MCPH1: variants seen among roughly 807,000 people sequenced by gnomAD.
The protein encoded by MCPH1 is microcephalin.
Under a neutral mutation model 84.5 loss-of-function variants are expected in MCPH1, and 104 were observed. The ratio of observed to expected loss-of-function variants is 1.23; its 90% CI spans 1.05 to 1.45. The LOEUF is 1.45. Ranked by LOEUF, MCPH1 falls within the 40% of genes most tolerant of loss-of-function variation. The pLI, the probability that MCPH1 is intolerant of heterozygous loss-of-function variation, is 0.00. For missense variants in MCPH1, 1,498 were observed against 1,005.7 expected (o/e 1.49, Z -6.62); for synonymous variants, 514 against 366.8 (o/e 1.40, Z -4.58).
intron 12 of MCPH1, among the ~76,000 whole-genome samples, chr8:6,589,123 C>A (rs1297864755): frequency 1.3e-5 from 2 of 152,208 alleles, no homozygotes; most frequent in Admixed American, 6.5e-5. Context: ...GGAACATCCT[C>A]CTGTGGGCTC....
At chr8:6,410,972 C>G (rs185336585) in intron 2 of MCPH1, among the ~76,000 whole-genome samples, 1 of 152,238 alleles carries the variant, frequency 6.6e-6, no homozygotes, top group East Asian at 1.9e-4. Context: ...CACCTGTAGT[C>G]TCAGTGATTC....
intron 12 of MCPH1, among the ~76,000 whole-genome samples, chr8:6,547,342 T>C (rs2515490): frequency 0.99 from 151,273 of 152,142 alleles, 75,211 homozygotes; most frequent in Middle Eastern, 1. Context: ...GTTCTGGAGG[T>C]CCGCCCCCTC....
intron 9 of MCPH1, among the ~76,000 whole-genome samples, chr8:6,465,457 C>G (rs533432825): frequency 1.4e-3 from 208 of 152,314 alleles, no homozygotes; most frequent in Non-Finnish European, 2.5e-3. Context: ...TTCTCTTCCT[C>G]TTACCAGTAA....
chr8:6,526,257 T>TAAAAAAAAAAAA (rs35519559), intron 12 of MCPH1, among the ~76,000 whole-genome samples: 4 of 77,464 alleles, frequency 5.2e-5, no homozygotes, highest in African/African-American at 1.7e-4. Flanking sequence ...TTGCCTCTAC[T>TAAAAAAAAAAAA]AAAAAAAAAA....
intron 12 of MCPH1, among the ~76,000 whole-genome samples, chr8:6,557,222 G>A (rs1291818741): frequency 6.6e-6 from 1 of 152,026 alleles, no homozygotes; most frequent in Non-Finnish European, 1.5e-5. Flanking sequence ...TTTACCGCTG[G>A]GCAATCCATA....
In MCPH1 at chr8:6,445,081, A is replaced by G. The variant is rs1262827232; in HGVS notation, c.1359A>G (p.Thr453=). ...GAAGTCTTTCTAAGAAGGAGAGAAC[A>G]AGCATATTTGAAATGTCTGATTTTT... ...SCRSLSKKER[T]SIFEMSDFSC... Residue 453 remains threonine, a synonymous_variant, in exon 8 of 14, where the codon ACA becomes ACG. Transcript: ENST00000344683. The G allele has an allele frequency of 1.9e-6, 3 of 1,614,156 alleles. No homozygotes were observed. The East Asian group carries it at 6.7e-5, about 36-fold the overall frequency.
At position 6,483,658 on chromosome 8, in the gene MCPH1, G is replaced by C. The variant is rs185140175; in HGVS notation, c.2136+2782G>C. On this transcript the variant is annotated intron_variant, in intron 11 of 13. Coordinates refer to ENST00000344683, the MANE Select transcript of MCPH1 (RefSeq NM_024596.5). ...GTGGATCACCTGAGGTCAGGAATTG[G>C]AGATCAGCCTGGCCAACATGGTGAA... Among the ~76,000 whole-genome samples, 107 of 152,220 alleles carry C rather than the reference G, an allele frequency of 7.0e-4. 1 individual carries two copies. Among genetic ancestry groups the C allele is most frequent in the Admixed American group, 1.9e-3 (29 of 15,288 alleles).
intron 11 of MCPH1, among the ~76,000 whole-genome samples, chr8:6,481,371 T>A (rs895014524): frequency 1.3e-5 from 2 of 152,244 alleles, no homozygotes; most frequent in African/African-American, 2.4e-5. Flanking sequence ...TTTGCCCTTG[T>A]TTCTGTAGAT....
intron 13 of MCPH1, chr8:6,626,209 G>C: frequency 1.0e-6 from 1 of 985,380 alleles, no homozygotes; most frequent in Non-Finnish European, 1.2e-6. Context: ...CACCTTGCTG[G>C]CATAGAACAG....
At chr8:6,611,619 T>G (rs1830272141) in intron 12 of MCPH1, among the ~76,000 whole-genome samples, 2 of 110,370 alleles carry the variant, frequency 1.8e-5, no homozygotes, top group South Asian at 6.1e-4. Context: ...CGTCAGGATT[T>G]TTTTTTATTT....
intron 13 of MCPH1, chr8:6,635,541 G>A (rs1415657351): frequency 2.0e-5 from 3 of 152,188 alleles, no homozygotes; most frequent in Admixed American, 1.3e-4. Flanking sequence ...GCTGCAGTGA[G>A]CCGTGATCAT....
intron 11 of MCPH1, among the ~76,000 whole-genome samples, chr8:6,488,744 G>A (rs931745523): frequency 2.0e-5 from 3 of 151,990 alleles, no homozygotes; most frequent in Admixed American, 6.6e-5. Context: ...AGAAGCCATC[G>A]GACTATTTTA....
chr8:6,627,019 TCTTATAA>T (rs1563212133), intron 13 of MCPH1: 15 of 985,304 alleles, frequency 1.5e-5, no homozygotes, highest in African/African-American at 1.7e-5. Flanking sequence ...CGCCTGATTT[TCTTATAA>T]CTTATAAAGA....
intron 10 of MCPH1, among the ~76,000 whole-genome samples, chr8:6,479,306 A>G (rs1233946176): frequency 6.6e-6 from 1 of 152,132 alleles, no homozygotes; most frequent in East Asian, 1.9e-4. Flanking sequence ...ATCATTTGGA[A>G]GGAAGAGTGT....
intron 12 of MCPH1, among the ~76,000 whole-genome samples, chr8:6,596,640 C>T (rs549248125): frequency 2.0e-5 from 3 of 152,174 alleles, no homozygotes; most frequent in South Asian, 4.1e-4. Flanking sequence ...CAGAGGAACC[C>T]CTGGGCTAAC....
At chr8:6,533,681 C>T (rs986192181) in intron 12 of MCPH1, among the ~76,000 whole-genome samples, 1 of 147,812 alleles carries the variant, frequency 6.8e-6, no homozygotes, top group Non-Finnish European at 1.5e-5. Context: ...TTCCTTTTCA[C>T]ATAGTGTAAC....
intron 10 of MCPH1, among the ~76,000 whole-genome samples, chr8:6,479,379 A>G (rs959967656): frequency 1.3e-5 from 2 of 151,840 alleles, no homozygotes; most frequent in Non-Finnish European, 2.9e-5. Context: ...ATTTTTGGAG[A>G]GGAGAGATGT....
At chr8:6,407,167 C>T (rs1169104491) in intron 1 of MCPH1, 3 of 229,942 alleles carry the variant, frequency 1.3e-5, no homozygotes, top group South Asian at 5.3e-5. Context: ...GTGTGGGGCC[C>T]TCCTGGGTCT....
chr8:6,450,435 T>G (rs1804965031), intron 8 of MCPH1, among the ~76,000 whole-genome samples: 1 of 151,126 alleles, frequency 6.6e-6, no homozygotes, highest in African/African-American at 2.4e-5. Flanking sequence ...CGTGTATCCT[T>G]TGACCCTGTG....
Sources: gnomAD v4.1 joint callset for allele counts (sites outside exome capture counted in the v4.1 genomes callset) on GRCh38, gnomAD v4.1.1 for gene constraint, MANE v1.5 for transcripts, NCBI Gene and HGNC (gene_info 2026-07-23, HGNC 2026-07-21) for gene names.